Variants in CCDC30 observed in about 807,000 individuals in gnomAD.
The protein encoded by CCDC30 is coiled-coil domain containing 30.
CCDC30 carries 70 observed loss-of-function variants against 100.2 expected under a neutral mutation model. The observed-to-expected ratio is 0.70, with a 90% CI of 0.58 to 0.85. CCDC30 has a LOEUF of 0.85. Among genes scored for constraint, CCDC30 ranks in the 40% least tolerant of loss-of-function variants. CCDC30 has a pLI of 0.00. For synonymous variants in CCDC30, 233 were observed against 269.5 expected (o/e 0.86, Z 1.33); for missense variants, 652 against 771.2 (o/e 0.85, Z 1.83).
At chr1:42,499,875 C>T (rs919577982) in intron 6 of CCDC30, among the ~76,000 whole-genome samples, 2 of 151,976 alleles carry the variant, frequency 1.3e-5, no homozygotes, top group Non-Finnish European at 2.9e-5. Flanking sequence ...AAATGGCACT[C>T]TGATTAAACC....
chr1:42,616,477 T>G (rs1464205126), intron 11 of CCDC30, among the ~76,000 whole-genome samples: 1 of 152,194 alleles, frequency 6.6e-6, no homozygotes, highest in Admixed American at 6.5e-5. Context: ...CTACCTTTAT[T>G]TTTGTTTTCA....
At chr1:42,520,611 T>G (rs932893281) in intron 6 of CCDC30, among the ~76,000 whole-genome samples, 2 of 148,712 alleles carry the variant, frequency 1.3e-5, no homozygotes, top group Non-Finnish European at 3.0e-5. Flanking sequence ...ATTACAGGCA[T>G]GAGCCACCAC....
intron 6 of CCDC30, among the ~76,000 whole-genome samples, chr1:42,504,980 A>C (rs1557811714): frequency 6.6e-6 from 1 of 152,360 alleles, no homozygotes; most frequent in East Asian, 1.9e-4. Flanking sequence ...AGTAGCTATT[A>C]TTCCTGCTAT....
chr1:42,515,688 A>G (rs913802354), intron 6 of CCDC30, among the ~76,000 whole-genome samples: 2 of 152,232 alleles, frequency 1.3e-5, no homozygotes, highest in African/African-American at 4.8e-5. Flanking sequence ...GTATTTTGTT[A>G]TAATAGTCCA....
intron 6 of CCDC30, among the ~76,000 whole-genome samples, chr1:42,502,533 A>G (rs1187534077): frequency 6.6e-6 from 1 of 152,114 alleles, no homozygotes; most frequent in Non-Finnish European, 1.5e-5. Context: ...GAAATGCAGA[A>G]ATCACCCATC....
chr1:42,655,867 CTTTTT>C (rs766715541), downstream of CCDC30, among the ~76,000 whole-genome samples: 4 of 87,312 alleles, frequency 4.6e-5, no homozygotes, highest in Non-Finnish European at 6.5e-5. Context: ...GCTGTTTTTA[CTTTTT>C]TTTTTTTTTT....
intron 11 of CCDC30, among the ~76,000 whole-genome samples, chr1:42,616,416 G>A (rs1646728800): frequency 6.6e-6 from 1 of 152,142 alleles, no homozygotes; most frequent in African/African-American, 2.4e-5. Context: ...ATGTGCATCC[G>A]AGGTTGAAAA....
At chr1:42,599,817 A>C (rs1182077078) in intron 10 of CCDC30, among the ~76,000 whole-genome samples, 3 of 152,248 alleles carry the variant, frequency 2.0e-5, no homozygotes, top group African/African-American at 7.2e-5. Flanking sequence ...GTCTGTTCTC[A>C]TGCTGCTATA....
At chr1:42,535,699 T>TATATATA (rs1644883882) in intron 6 of CCDC30, among the ~76,000 whole-genome samples, 1 of 13,146 alleles carries the variant, frequency 7.6e-5, no homozygotes, top group Non-Finnish European at 1.3e-4. Context: ...ATCACTACTA[T>TATATATA]ATATATATAT....
chr1:42,482,519 ACACACACACACT>A, intron 2 of CCDC30, 132 bp from the exon 3 acceptor site: 2 of 403,792 alleles, frequency 5.0e-6, no homozygotes, highest in Non-Finnish European at 8.3e-6. Context: ...ACACACACAT[ACACACACACACT>A]CACACACACA....
chr1:42,551,939 T>A (rs1211711021), intron 6 of CCDC30, among the ~76,000 whole-genome samples: 3 of 151,830 alleles, frequency 2.0e-5, no homozygotes, highest in African/African-American at 7.3e-5. Flanking sequence ...ATTTTTAAAA[T>A]TTTTTTGTAG....
At chr1:42,482,696 T>A (rs879138223) in exon 3 of CCDC30, 1 of 1,233,744 alleles carries the variant, frequency 8.1e-7, no homozygotes, top group South Asian at 4.1e-5. Context: ...AGACAAAACA[T>A]CACAAAACTG....
At chr1:42,492,168 T>C (rs978324814) in intron 4 of CCDC30, 2 of 248,530 alleles carry the variant, frequency 8.0e-6, no homozygotes, top group Middle Eastern at 1.0e-3. Context: ...AAAAACACAA[T>C]CTGATACAGA....
At chr1:42,572,532 A>G (rs907347315) in intron 7 of CCDC30, among the ~76,000 whole-genome samples, 1 of 152,160 alleles carries the variant, frequency 6.6e-6, no homozygotes, top group Admixed American at 6.5e-5. Flanking sequence ...CATTATAACT[A>G]GTGATTTTTG....
At chr1:42,644,568 A>C in intron 13 of CCDC30, 125 bp from the exon 18 acceptor site, 2 of 626,878 alleles carry the variant, frequency 3.2e-6, no homozygotes, top group Admixed American at 5.3e-5. Context: ...TATTCTGTCA[A>C]ACTTGCTTCT....
chr1:42,625,675 T>C (rs1305621830), intron 11 of CCDC30, among the ~76,000 whole-genome samples: 1 of 152,182 alleles, frequency 6.6e-6, no homozygotes, highest in African/African-American at 2.4e-5. Flanking sequence ...CCAAAATTCC[T>C]CTTGCTGTTT....
At chr1:42,646,411 A>T in intron 15 of CCDC30, 94 bp downstream of exon 19, 1 of 1,293,410 alleles carries the variant, frequency 7.7e-7, no homozygotes, top group East Asian at 3.0e-5. Flanking sequence ...TGGTTTCTAC[A>T]CTGGAAAAAG....
chr1:42,581,119 G>T (rs1186961846), intron 8 of CCDC30: 6 of 398,896 alleles, frequency 1.5e-5, no homozygotes. Flanking sequence ...GGGATTACAG[G>T]CGTGAGCCAG....
Position 42,596,939 on chromosome 1 carries a change from G to A in CCDC30, c.1164+7456G>A, listed in dbSNP as rs1362597274. Among the ~76,000 whole-genome samples the A allele has an allele frequency of 1.3e-5, 2 of 152,158 alleles. No individual in the cohort carries two copies. Among genetic ancestry groups the A allele is most frequent in the African/African-American group, 4.8e-5 (2 of 41,512 alleles). On this transcript the variant is annotated intron_variant, in intron 10 of 16. Transcript: ENST00000668663. The surrounding 1 kb of genome is among the most constrained non-coding windows in gnomAD (Gnocchi z 4.3). ...GCAAGCAGAGAGAGGGAAATCCTAA[G>A]AAAGAACCACATAGAAATTCCGTTA...
Sources: gnomAD v4.1 joint callset for allele counts (sites outside exome capture counted in the v4.1 genomes callset) on GRCh38, gnomAD v4.1.1 for gene constraint, Gnocchi (gnomAD v3.1) non-coding constraint, MANE v1.5 for transcripts, NCBI Gene and HGNC (gene_info 2026-07-23, HGNC 2026-07-21) for gene names.